NEK7: variants seen among roughly 807,000 people sequenced by gnomAD.
The protein encoded by NEK7 is serine/threonine-protein kinase Nek7.
NEK7 carries 18 observed loss-of-function variants against 44.6 expected under a neutral mutation model. That is an observed-to-expected ratio of 0.40 (90% CI 0.28 to 0.60). The LOEUF is 0.60. NEK7 is among the 20% of genes least tolerant of loss of function. The pLI is 0.38. For missense variants in NEK7, 256 were observed against 366.5 expected (o/e 0.70, Z 2.46); for synonymous variants, 130 against 121.1 (o/e 1.07, Z -0.48).
intron 1 of NEK7, among the ~76,000 whole-genome samples, chr1:198,215,453 T>G (rs2102828975): frequency 6.6e-6 from 1 of 152,344 alleles, no homozygotes; most frequent in Middle Eastern, 3.4e-3. Context: ...TTAAACTTTC[T>G]TAAAACATTA....
rs377414541 is a variant in NEK7 at position 198,315,537 on chromosome 1, GGCTAGTTAGGCAGT to G, written c.799-3869_799-3856del. ...AATGCTTAAAGTTGAAGCATCACCT[GGCTAGTTAGGCAGT>G]GCTAGAGAAATAGGAAGACAACTGA... is the stretch of plus-strand genomic sequence containing the variant. On this transcript the variant is annotated intron_variant, in intron 9 of 9. Transcript: ENST00000367385. Among the ~76,000 whole-genome samples, 239 of 152,324 alleles carry G rather than the reference GGCTAGTTAGGCAGT, an allele frequency of 1.6e-3. 4 individuals carry two copies. Among genetic ancestry groups the G allele is most frequent in the African/African-American group, 5.6e-3 (234 of 41,574 alleles).
rs182695018 is a variant in NEK7, at chr1:198,219,355, T to G, written c.-28-13198T>G. The stretch of plus-strand genomic sequence containing the variant: ...GTGTGTGTATATATATATGTGTGTG[T>G]GTAGAATACTACTAAGCTGTAAAAC... On this transcript the variant is annotated intron_variant, in intron 1 of 9. Transcript: ENST00000367385. Among the ~76,000 whole-genome samples the G allele has an allele frequency of 1.6e-3, 247 of 151,494 alleles. 1 individual carries two copies. Among genetic ancestry groups the G allele is most frequent in the Admixed American group, 4.4e-3 (67 of 15,178 alleles).
intron 3 of NEK7, chr1:198,256,240 C>T: frequency 7.2e-7 from 1 of 1,387,490 alleles, no homozygotes; most frequent in Non-Finnish European, 9.5e-7. Flanking sequence ...GTTTTTAAGG[C>T]CCTTCCCTAC....
intron 1 of NEK7, among the ~76,000 whole-genome samples, chr1:198,198,516 G>A (rs1665312444): frequency 6.6e-6 from 1 of 152,142 alleles, no homozygotes; most frequent in Non-Finnish European, 1.5e-5. Context: ...CAAGCCTGTC[G>A]ACCCACATGT....
intron 1 of NEK7, among the ~76,000 whole-genome samples, chr1:198,229,625 A>T (rs1289412875): frequency 6.6e-6 from 1 of 152,220 alleles, no homozygotes; most frequent in East Asian, 1.9e-4. Context: ...TATTTGCTTG[A>T]TGTGTGGAGA....
intron 1 of NEK7, among the ~76,000 whole-genome samples, chr1:198,215,709 G>T (rs533071847): frequency 4.7e-4 from 71 of 151,938 alleles, no homozygotes; most frequent in Non-Finnish European, 9.4e-4. Flanking sequence ...TAAAGGAGTG[G>T]AAAAAGATAT....
chr1:198,220,879 G>A (rs535455046), intron 1 of NEK7: 10 of 152,150 alleles, frequency 6.6e-5, no homozygotes, highest in African/African-American at 1.9e-4. Flanking sequence ...TTTATGAGCT[G>A]TAGTTGTAAT....
intron 9 of NEK7, among the ~76,000 whole-genome samples, chr1:198,309,358 G>A (rs1655106003): frequency 6.6e-6 from 1 of 151,938 alleles, no homozygotes; most frequent in Admixed American, 6.6e-5. Context: ...AAGGAGTTTG[G>A]GGCTAAATAG....
At chr1:198,265,364 G>C (rs974582204) in intron 5 of NEK7, among the ~76,000 whole-genome samples, 1 of 152,096 alleles carries the variant, frequency 6.6e-6, no homozygotes, top group Non-Finnish European at 1.5e-5. Context: ...AAAAACAAAA[G>C]CTATTTATTT....
At chr1:198,232,356 A>G (rs1187126695) in intron 1 of NEK7, among the ~76,000 whole-genome samples, 197 bp from the exon 2 acceptor site, 1 of 152,130 alleles carries the variant, frequency 6.6e-6, no homozygotes, top group East Asian at 1.9e-4. Flanking sequence ...AGAAGTGGAA[A>G]TGGTTGAGAC....
chr1:198,315,318 G>A (rs1655331675), intron 9 of NEK7, among the ~76,000 whole-genome samples: 1 of 152,208 alleles, frequency 6.6e-6, no homozygotes, highest in South Asian at 2.1e-4. Flanking sequence ...CGCACCCACT[G>A]ACCTGCGCCC....
At chr1:198,319,383 C>T (rs1172091466) in intron 9 of NEK7, 29 bp from the exon 10 acceptor site, 2 of 1,510,262 alleles carry the variant, frequency 1.3e-6, no homozygotes, top group Admixed American at 3.6e-5. Flanking sequence ...TTGTCTTAAT[C>T]AGGTTTTATT....
At chr1:198,168,293 A>T (rs1664329402) in intron 1 of NEK7, among the ~76,000 whole-genome samples, 1 of 152,190 alleles carries the variant, frequency 6.6e-6, no homozygotes, top group Non-Finnish European at 1.5e-5. Context: ...AGATAATATA[A>T]GAAGCATGGG....
At chr1:198,240,853 C>T (rs1430884179) in intron 2 of NEK7, among the ~76,000 whole-genome samples, 1 of 152,082 alleles carries the variant, frequency 6.6e-6, no homozygotes, top group Non-Finnish European at 1.5e-5. Flanking sequence ...GTGCCGCACA[C>T]CTGGCTAATT....
chr1:198,253,765 T>C (rs919057405), intron 3 of NEK7, among the ~76,000 whole-genome samples: 17 of 152,292 alleles, frequency 1.1e-4, no homozygotes, highest in Admixed American at 5.2e-4. Context: ...TTTATCTTGC[T>C]CCAGCTCCTC....
chr1:198,272,287 T>A (rs1023248026), intron 5 of NEK7, among the ~76,000 whole-genome samples: 3 of 151,850 alleles, frequency 2.0e-5, no homozygotes, highest in Non-Finnish European at 2.9e-5. Flanking sequence ...TTATTGCTCC[T>A]TACATTTGAA....
chr1:198,163,366 C>T (rs372719107), intron 1 of NEK7, among the ~76,000 whole-genome samples: 5 of 151,746 alleles, frequency 3.3e-5, no homozygotes, highest in African/African-American at 1.2e-4. Context: ...CTTGGTGGCA[C>T]GCACCTGTAA....
At chr1:198,207,291 A>G (rs1665626081) in intron 1 of NEK7, 1 of 152,180 alleles carries the variant, frequency 6.6e-6, no homozygotes, top group East Asian at 1.9e-4. Flanking sequence ...GTTATGCCAA[A>G]TAAAGACCTG....
chr1:198,321,632 A>C lies in NEK7; in HGVS notation c.*2110A>C, dbSNP rs1224058089. The C allele has an allele frequency of 6.6e-6, 1 of 152,134 alleles. No homozygotes were observed. Among genetic ancestry groups the C allele is most frequent in the Non-Finnish European group, 1.5e-5 (1 of 67,978 alleles). The allele number at this position is 152,134 out of a possible 1,614,324, so 9.4% of individuals were successfully genotyped here. A position where few individuals can be genotyped will look rare whatever the true frequency, so the allele number is the denominator to read the frequency against. ...TGGGAAGAATTTAATGATCAGGGAA[A>C]TTCATTATTTCTATATGTGGAAACT... On this transcript the variant is annotated 3_prime_UTR_variant, in exon 10 of 10. Coordinates refer to ENST00000367385, the MANE Select transcript of NEK7 (RefSeq NM_133494.3).
Sources: allele counts gnomAD v4.1 joint callset (sites outside exome capture counted in the v4.1 genomes callset), GRCh38; gene constraint gnomAD v4.1.1; transcripts MANE v1.5; gene names NCBI Gene and HGNC (gene_info 2026-07-23, HGNC 2026-07-21).